HERC2: variants seen among roughly 807,000 people sequenced by gnomAD.
HERC2 encodes HECT and RLD domain containing E3 ubiquitin protein ligase 2.
HERC2 carries 102 observed loss-of-function variants against 537.7 expected under a neutral mutation model. The ratio of observed to expected loss-of-function variants is 0.19; its 90% CI spans 0.16 to 0.22. The LOEUF (loss-of-function observed/expected upper bound fraction) is 0.22. HERC2 is among the 10% of genes least tolerant of loss of function. The pLI is 1.00. For missense variants in HERC2, 4,236 were observed against 6,198.2 expected (o/e 0.68, Z 10.63); for synonymous variants, 2,224 against 2,466.2 (o/e 0.90, Z 2.91).
intron 30 of HERC2, 91 bp downstream of exon 30, chr15:28,233,055 A>G: frequency 2.2e-6 from 2 of 913,666 alleles, no homozygotes; most frequent in Non-Finnish European, 3.4e-6. Flanking sequence ...TGGAATCAAC[A>G]GTAGAGAAAC....
chr15:28,137,194 G>T (rs369357164), intron 78 of HERC2, among the ~76,000 whole-genome samples: 1 of 152,146 alleles, frequency 6.6e-6, no homozygotes, highest in East Asian at 1.9e-4. Context: ...AAAAGAAACA[G>T]AATTCTCCTG....
At chr15:28,246,961 C>T in intron 21 of HERC2, 64 bp from the exon 22 acceptor site, 2 of 1,395,756 alleles carry the variant, frequency 1.4e-6, no homozygotes, top group South Asian at 1.2e-5. Flanking sequence ...AACAAACTAA[C>T]TGCTCCATGA....
chr15:28,217,567 A>C (rs1319292777), intron 38 of HERC2, among the ~76,000 whole-genome samples: 1 of 152,198 alleles, frequency 6.6e-6, no homozygotes, highest in African/African-American at 2.4e-5. Flanking sequence ...CCCTCAGCTC[A>C]CATTTCTCAT....
chr15:28,313,365 G>A (rs1026727001), intron 2 of HERC2, among the ~76,000 whole-genome samples: 7 of 152,188 alleles, frequency 4.6e-5, no homozygotes, highest in Non-Finnish European at 1.0e-4. Flanking sequence ...ATTTTTAGTA[G>A]AGACGGGGTT....
chr15:28,271,390 T>A (rs1289167016), intron 9 of HERC2, among the ~76,000 whole-genome samples: 1 of 152,224 alleles, frequency 6.6e-6, no homozygotes, highest in Non-Finnish European at 1.5e-5. Flanking sequence ...AGGCTGGGCA[T>A]GGTGGCTCAC....
intron 3 of HERC2, among the ~76,000 whole-genome samples, chr15:28,295,962 C>G (rs899599675): frequency 6.6e-6 from 1 of 151,984 alleles, no homozygotes; most frequent in Non-Finnish European, 1.5e-5. Flanking sequence ...AGGCCACCCC[C>G]ACCCTACATC....
chr15:28,240,814 G>C (rs1272935984), intron 23 of HERC2, among the ~76,000 whole-genome samples: 1 of 152,216 alleles, frequency 6.6e-6, no homozygotes, highest in Non-Finnish European at 1.5e-5. Context: ...CCTTTTCAAT[G>C]CATGGTACTG....
intron 69 of HERC2, among the ~76,000 whole-genome samples, chr15:28,162,686 A>G (rs1262138703): frequency 5.9e-5 from 9 of 152,020 alleles, no homozygotes; most frequent in African/African-American, 1.9e-4. Flanking sequence ...TCAGGAGATC[A>G]AGACCATCCT....
intron 65 of HERC2, among the ~76,000 whole-genome samples, chr15:28,170,347 A>G (rs1210275129): frequency 1.3e-5 from 2 of 152,220 alleles, no homozygotes; most frequent in African/African-American, 4.8e-5. Flanking sequence ...TAAACAGAGA[A>G]CCCAGAAACA....
chr15:28,212,204 G>A (rs1035377763), intron 43 of HERC2, among the ~76,000 whole-genome samples: 5 of 152,242 alleles, frequency 3.3e-5, no homozygotes, highest in Admixed American at 6.5e-5. Context: ...GTGACACGGA[G>A]AAGAGGGTGT....
chr15:28,259,544 T>C (rs2075361207), intron 16 of HERC2, among the ~76,000 whole-genome samples: 3 of 152,142 alleles, frequency 2.0e-5, no homozygotes, highest in African/African-American at 4.8e-5. Flanking sequence ...TTTCCCCTGA[T>C]AGAAAGTCAG....
At chr15:28,192,615 C>T (rs1418560213) in intron 52 of HERC2, among the ~76,000 whole-genome samples, 4 of 152,148 alleles carry the variant, frequency 2.6e-5, no homozygotes, top group Non-Finnish European at 2.9e-5. Flanking sequence ...AAATTCTCTT[C>T]GAACTATCAG....
intron 83 of HERC2, among the ~76,000 whole-genome samples, chr15:28,126,894 A>T (rs1319361990): frequency 6.6e-6 from 1 of 152,248 alleles, no homozygotes; most frequent in Non-Finnish European, 1.5e-5. Flanking sequence ...ACATAAAAAA[A>T]GAACATGCCG....
chr15:28,147,365 A>G (rs911396498), intron 70 of HERC2, among the ~76,000 whole-genome samples: 3 of 152,158 alleles, frequency 2.0e-5, no homozygotes, highest in African/African-American at 7.2e-5. Context: ...GTAGTGGTAC[A>G]CTCCTGTAAT....
intron 15 of HERC2, among the ~76,000 whole-genome samples, chr15:28,262,114 C>T (rs1177184603): frequency 6.6e-6 from 1 of 152,200 alleles, no homozygotes; most frequent in African/African-American, 2.4e-5. Context: ...CTCACACTGC[C>T]TTTTCCCTTC....
chr15:28,205,023 G>C (rs74005646), intron 45 of HERC2, among the ~76,000 whole-genome samples: 1 of 152,040 alleles, frequency 6.6e-6, no homozygotes, highest in African/African-American at 2.4e-5. Context: ...CAAGGAGGAC[G>C]GTGGGGTGGG....
At chr15:28,159,672 TTCGAACTTCC>T (rs575059262) in intron 69 of HERC2, among the ~76,000 whole-genome samples, 162 of 152,354 alleles carry the variant, frequency 1.1e-3, no homozygotes, top group African/African-American at 3.8e-3. Context: ...TTGCAATGGG[TTCGAACTTCC>T]TCCTTTAGCT....
At chr15:28,143,327 C>T (rs1891414816) in intron 74 of HERC2, among the ~76,000 whole-genome samples, 1 of 152,200 alleles carries the variant, frequency 6.6e-6, no homozygotes. Context: ...GTCCAATCAA[C>T]ACAATCCTAT....
At chr15:28,216,248 A>G (rs1899889773) in intron 38 of HERC2, among the ~76,000 whole-genome samples, 1 of 152,066 alleles carries the variant, frequency 6.6e-6, no homozygotes. Flanking sequence ...CATCTATTAT[A>G]TTTTTAATTT....
Sources: allele counts gnomAD v4.1 joint callset (sites outside exome capture counted in the v4.1 genomes callset), GRCh38; gene constraint gnomAD v4.1.1; transcripts MANE v1.5; gene names NCBI Gene and HGNC (gene_info 2026-07-23, HGNC 2026-07-21).